The following THSD7B variants were observed in gnomAD, a reference collection of about 807,000 sequenced individuals.
THSD7B encodes thrombospondin type 1 domain containing 7B.
In THSD7B, 138 loss-of-function variants were observed where a neutral mutation model predicts 213.6. That is an observed-to-expected ratio of 0.65 (90% CI 0.56 to 0.74). The LOEUF is 0.74. Ranked by LOEUF, THSD7B falls within the 30% of genes least tolerant of loss-of-function variation. The pLI is 0.00. For missense variants in THSD7B, 1,931 were observed against 1,991.5 expected (o/e 0.97, Z 0.58); for synonymous variants, 742 against 687.0 (o/e 1.08, Z -1.25).
intron 2 of THSD7B, among the ~76,000 whole-genome samples, chr2:136,967,485 A>C (rs1383355146): frequency 1.3e-5 from 2 of 152,112 alleles, no homozygotes; most frequent in African/African-American, 4.8e-5. Context: ...TCCAGACTTC[A>C]TGTCCTTTCC....
intron 15 of THSD7B, among the ~76,000 whole-genome samples, chr2:137,525,564 C>G (rs16839062): frequency 0.032 from 4,888 of 152,178 alleles, 271 homozygotes; most frequent in African/African-American, 0.11. Flanking sequence ...CATTATGGAG[C>G]TTAAGTAGTG....
At chr2:137,598,255 T>A (rs1383513505) in intron 17 of THSD7B, among the ~76,000 whole-genome samples, 2 of 152,214 alleles carry the variant, frequency 1.3e-5, no homozygotes, top group Admixed American at 1.3e-4. Flanking sequence ...AAGTTGCCAA[T>A]ATGCTAAGAA....
At chr2:137,290,110 CTTTTTTT>C (rs1244519702) in intron 12 of THSD7B, among the ~76,000 whole-genome samples, 2 of 130,828 alleles carry the variant, frequency 1.5e-5, no homozygotes, top group Non-Finnish European at 3.3e-5. Context: ...AAAGAGTTTT[CTTTTTTT>C]TTTTTTTTTT....
chr2:136,946,501 C>T (rs956050915), intron 2 of THSD7B, among the ~76,000 whole-genome samples: 1 of 151,660 alleles, frequency 6.6e-6, no homozygotes, highest in East Asian at 2.0e-4. Flanking sequence ...CTGGGAGAAC[C>T]ACTGCTCTCT....
At chr2:137,153,258 A>G (rs1043483646) in intron 5 of THSD7B, among the ~76,000 whole-genome samples, 1 of 152,104 alleles carries the variant, frequency 6.6e-6, no homozygotes, top group East Asian at 1.9e-4. Flanking sequence ...ATCTTTGCCT[A>G]TAGTGCTGTT....
At chr2:136,884,351 C>G (rs1683680941) in intron 2 of THSD7B, among the ~76,000 whole-genome samples, 1 of 152,158 alleles carries the variant, frequency 6.6e-6, no homozygotes, top group South Asian at 2.1e-4. Context: ...AAGAGTGGTT[C>G]CCAGAATCTG....
At chr2:136,802,639 TTATATATATATATATATATATA>T (rs56719114) in intron 1 of THSD7B, among the ~76,000 whole-genome samples, 187 of 57,386 alleles carry the variant, frequency 3.3e-3, no homozygotes, top group Admixed American at 7.9e-3. Context: ...TGAATTAAGT[TTATATATATATATATATATATA>T]TATATATATA....
intron 1 of THSD7B, among the ~76,000 whole-genome samples, chr2:136,860,354 A>T (rs1683240920): frequency 6.6e-6 from 1 of 152,020 alleles, no homozygotes; most frequent in African/African-American, 2.4e-5. Context: ...TCCCAAATTT[A>T]TGTCACCAGC....
At chr2:137,095,428 C>A (rs976234573) in intron 4 of THSD7B, among the ~76,000 whole-genome samples, 2 of 152,090 alleles carry the variant, frequency 1.3e-5, no homozygotes, top group Non-Finnish European at 2.9e-5. Context: ...GCTCAGTAAC[C>A]ATTAGCTATT....
intron 12 of THSD7B, among the ~76,000 whole-genome samples, chr2:137,341,659 T>G (rs758806150): frequency 9.9e-5 from 15 of 151,620 alleles, no homozygotes; most frequent in Non-Finnish European, 1.9e-4. Flanking sequence ...GTTGTGGGAT[T>G]AAGGTCCACT....
chr2:137,110,873 C>T (rs1215255656), intron 4 of THSD7B, among the ~76,000 whole-genome samples: 1 of 152,158 alleles, frequency 6.6e-6, no homozygotes, highest in African/African-American at 2.4e-5. Context: ...TTTAGATACA[C>T]AAATACTTGC....
At chr2:137,329,657 AC>A (rs1684450222) in intron 12 of THSD7B, among the ~76,000 whole-genome samples, 1 of 152,290 alleles carries the variant, frequency 6.6e-6, no homozygotes, top group African/African-American at 2.4e-5. Context: ...GAGCCACTGC[AC>A]CCAGCCCAGC....
intron 2 of THSD7B, among the ~76,000 whole-genome samples, chr2:136,919,762 G>A (rs978947453): frequency 2.0e-5 from 3 of 152,178 alleles, no homozygotes; most frequent in African/African-American, 7.2e-5. Context: ...CCTACCAAGG[G>A]TGAGCCAGGT....
intron 2 of THSD7B, among the ~76,000 whole-genome samples, chr2:137,029,056 C>T (rs1011158313): frequency 6.9e-6 from 1 of 144,738 alleles, no homozygotes; most frequent in African/African-American, 2.5e-5. Flanking sequence ...ATGTTATAAG[C>T]ATTTTCTGAT....
intron 2 of THSD7B, among the ~76,000 whole-genome samples, chr2:136,966,417 G>A (rs138248270): frequency 2.6e-5 from 4 of 152,070 alleles, no homozygotes; most frequent in Admixed American, 1.3e-4. Flanking sequence ...GGGTTTTACC[G>A]TATCACTCAG....
At chr2:136,802,520 A>G (rs1472861450) in intron 1 of THSD7B, among the ~76,000 whole-genome samples, 3 of 151,362 alleles carry the variant, frequency 2.0e-5, no homozygotes, top group Non-Finnish European at 4.4e-5. Flanking sequence ...AGGATAACAA[A>G]ATATTCAACA....
At chr2:137,159,424 T>C (rs1213450771) in intron 5 of THSD7B, among the ~76,000 whole-genome samples, 1 of 149,900 alleles carries the variant, frequency 6.7e-6, no homozygotes, top group Admixed American at 6.7e-5. Context: ...TGAAACCCTG[T>C]CTCAAAAAAA....
chr2:137,244,621 T>G (rs768415574), intron 10 of THSD7B, among the ~76,000 whole-genome samples: 1 of 152,174 alleles, frequency 6.6e-6, no homozygotes, highest in Non-Finnish European at 1.5e-5. Flanking sequence ...AATTAGTTGT[T>G]TAAATCATTG....
intron 1 of THSD7B, among the ~76,000 whole-genome samples, chr2:136,835,804 G>C (rs1682832757): frequency 6.6e-6 from 1 of 152,090 alleles, no homozygotes; most frequent in African/African-American, 2.4e-5. Context: ...AGAGAAACTG[G>C]TACACATTTG....
Sources: gnomAD v4.1 joint callset for allele counts (sites outside exome capture counted in the v4.1 genomes callset) on GRCh38, gnomAD v4.1.1 for gene constraint, MANE v1.5 for transcripts, NCBI Gene and HGNC (gene_info 2026-07-23, HGNC 2026-07-21) for gene names.